Variants in MEIOC observed in about 807,000 individuals in gnomAD.
The protein encoded by MEIOC is meiosis specific with coiled-coil domain, also known as meiosis-specific coiled-coil domain-containing protein MEIOC.
Under a neutral mutation model 85.3 loss-of-function variants are expected in MEIOC, and 9 were observed. That is an observed-to-expected ratio of 0.11 (90% confidence interval 0.06 to 0.18). The LOEUF (loss-of-function observed/expected upper bound fraction) is 0.18. MEIOC is among the 10% of genes least tolerant of loss of function. The pLI, the probability that MEIOC is intolerant of heterozygous loss-of-function variation, is 1.00. For synonymous variants in MEIOC, 365 were observed against 393.7 expected (o/e 0.93, Z 0.86); for missense variants, 898 against 1,129.4 (o/e 0.80, Z 2.94).
intron 3 of MEIOC, among the ~76,000 whole-genome samples, chr17:44,663,050 G>A (rs1598726051): frequency 6.6e-6 from 1 of 152,126 alleles, no homozygotes; most frequent in Non-Finnish European, 1.5e-5. Context: ...TTATATGAAT[G>A]AGTTAAAACT....
At chr17:44,661,035 A>C (rs2144658982) in intron 2 of MEIOC, among the ~76,000 whole-genome samples, 1 of 152,234 alleles carries the variant, frequency 6.6e-6, no homozygotes, top group Middle Eastern at 3.4e-3. Context: ...TGTAATCCCA[A>C]CACTTTGGAA....
Position 44,657,117 on chromosome 17 carries a change from T to C in MEIOC, c.70-10T>C, listed in dbSNP as rs1315885532. 1 of 1,547,594 alleles carries C rather than the reference T, an allele frequency of 6.5e-7. No individual in the cohort carries two copies. Among genetic ancestry groups the C allele is most frequent in the African/African-American group, 1.4e-5 (1 of 73,042 alleles). ...CACTTTCTGATATTTCCTATTCCCG[T>C]GTGCTGCAGCCCAAAGTCGCGTTCC... On this transcript the variant is annotated splice_polypyrimidine_tract_variant and intron_variant, in intron 1 of 7. Coordinates refer to ENST00000409122, the MANE Select transcript of MEIOC (RefSeq NM_001145080.3).
chr17:44,656,652 C>A lies in MEIOC; in HGVS notation c.39C>A (p.His13Gln). ...VRRGDTCPRPHPSGLREEGLE... is the reference protein window; with the variant it reads ...VRRGDTCPRPQPSGLREEGLE... ...GCGGAGACACCTGCCCGCGCCCTCA[C>A]CCCTCAGGCCTGAGGGAGGAAGGAC... The change falls in exon 1 of 8, where the codon CAC (histidine) becomes CAA (glutamine). Residue 13 changes from histidine (H) to glutamine (Q), a missense_variant. Coordinates refer to ENST00000409122, the MANE Select transcript of MEIOC (RefSeq NM_001145080.3). 1 of 1,489,580 alleles carries A rather than the reference C, an allele frequency of 6.7e-7. No individual in the cohort carries two copies. Among genetic ancestry groups the A allele is most frequent in the Non-Finnish European group, 8.9e-7 (1 of 1,119,158 alleles). The allele number at this position is 1,489,580 out of a possible 1,614,324, so 92.3% of individuals were successfully genotyped here. A position where few individuals can be genotyped will look rare whatever the true frequency, so the allele number is the denominator to read the frequency against.
chr17:44,676,834 A>G, downstream of MEIOC: 1 of 487,494 alleles, frequency 2.1e-6, no homozygotes, highest in Non-Finnish European at 2.7e-6. Context: ...ACAAACAAAA[A>G]AAATATGCCC....
At chr17:44,663,065 G>C (rs140088297) in intron 3 of MEIOC, among the ~76,000 whole-genome samples, 1 of 152,248 alleles carries the variant, frequency 6.6e-6, no homozygotes, top group African/African-American at 2.4e-5. Context: ...AAAACTTTTA[G>C]ATGTTTTTGT....
intron 2 of MEIOC, among the ~76,000 whole-genome samples, chr17:44,660,223 A>ATTTTG (rs1349885791): frequency 6.6e-5 from 10 of 151,372 alleles, no homozygotes; most frequent in African/African-American, 2.2e-4. Context: ...TTCCTTTTTT[A>ATTTTG]TTTTATTTTA....
chr17:44,658,072 G>A (rs1183463034), intron 2 of MEIOC, among the ~76,000 whole-genome samples: 1 of 148,580 alleles, frequency 6.7e-6, no homozygotes, highest in African/African-American at 2.5e-5. Flanking sequence ...GGCTGGTCTC[G>A]AACTTCTGGG....
Position 44,656,496 on chromosome 17 carries a change from C to T in MEIOC, c.-118C>T. ...CTGGCTCCAGGCAGCGCCCGGGCGG[C>T]GGAGGCGGCTGCGGAGACGGCGGGG... is the stretch of plus-strand genomic sequence containing the variant. On this transcript the variant is annotated 5_prime_UTR_variant, in exon 1 of 8. Transcript: ENST00000409122. 2 of 810,694 alleles carry T rather than the reference C, an allele frequency of 2.5e-6. No individual in the cohort carries two copies. The highest frequency in any genetic ancestry group is 1.8e-6 in the Non-Finnish European group (1 of 568,618). The allele number at this position is 810,694 out of a possible 1,614,324, so 50.2% of individuals were successfully genotyped here. A position where few individuals can be genotyped will look rare whatever the true frequency, so the allele number is the denominator to read the frequency against.
chr17:44,668,469 T>C (rs891879702), intron 5 of MEIOC, among the ~76,000 whole-genome samples: 1 of 152,134 alleles, frequency 6.6e-6, no homozygotes, highest in African/African-American at 2.4e-5. Context: ...GAGTAGCTAG[T>C]ACTACAGGCA....
intron 2 of MEIOC, among the ~76,000 whole-genome samples, chr17:44,660,671 A>T (rs1971830603): frequency 6.6e-6 from 1 of 152,210 alleles, no homozygotes; most frequent in South Asian, 2.1e-4. Context: ...TTATACTTTC[A>T]GTCTTCTTTA....
intron 2 of MEIOC, among the ~76,000 whole-genome samples, chr17:44,660,109 T>C (rs1202154746): frequency 6.6e-6 from 1 of 152,188 alleles, no homozygotes; most frequent in African/African-American, 2.4e-5. Flanking sequence ...TAACGTTGTA[T>C]AGTTTAAATG....
chr17:44,674,100 G>A lies in MEIOC; in HGVS notation c.2763G>A (p.Lys921=). ...CAGCCAGTACAGCTGATGTGGTAAA[G>A]CCTTTACAAGATACAGTAAACTGTG... ...PKTASTADVV[K]PLQDTVNCED... is the part of the protein sequence containing the mutation. The change falls in exon 8 of 8, where the codon AAG becomes AAA. Residue 921 remains lysine, a synonymous_variant. Coordinates refer to ENST00000409122, the MANE Select transcript of MEIOC (RefSeq NM_001145080.3). The A allele has an allele frequency of 6.4e-7, 1 of 1,551,728 alleles. No homozygotes were observed.
chr17:44,658,810 A>T (rs117985996), intron 2 of MEIOC, among the ~76,000 whole-genome samples: 6 of 150,726 alleles, frequency 4.0e-5, no homozygotes, highest in Admixed American at 2.6e-4. Context: ...AAAAAAAAAG[A>T]AAAAAGAAAA....
At chr17:44,656,800 G>A in intron 1 of MEIOC, 118 bp downstream of exon 1, 1 of 583,692 alleles carries the variant, frequency 1.7e-6, no homozygotes, top group Non-Finnish European at 2.7e-6. Flanking sequence ...GGTCGTCGGT[G>A]GGGAGGCCGA....
chr17:44,663,676 C>G (rs1054932793), intron 3 of MEIOC, among the ~76,000 whole-genome samples: 1 of 152,066 alleles, frequency 6.6e-6, no homozygotes, highest in Admixed American at 6.6e-5. Context: ...CTTCTCCCCC[C>G]GCCACCCAAT....
At chr17:44,664,277 G>A (rs111971119) in intron 3 of MEIOC, among the ~76,000 whole-genome samples, 10 of 152,048 alleles carry the variant, frequency 6.6e-5, no homozygotes, top group East Asian at 1.9e-4. Flanking sequence ...CAGGAGAACC[G>A]CTTGAACCTG....
At chr17:44,663,268 TTGATGATGATGA>T (rs10638687) in intron 3 of MEIOC, among the ~76,000 whole-genome samples, 5 of 147,890 alleles carry the variant, frequency 3.4e-5, no homozygotes, top group African/African-American at 1.0e-4. Flanking sequence ...CTTTATAATC[TTGATGATGATGA>T]TGATGATGAT....
intron 6 of MEIOC, among the ~76,000 whole-genome samples, chr17:44,672,450 T>C (rs751482163): frequency 1.3e-4 from 20 of 152,324 alleles, no homozygotes; most frequent in Middle Eastern, 3.4e-3. Flanking sequence ...AATAGACTTA[T>C]TATGAAGAAA....
rs181511731 is a variant in MEIOC, at chr17:44,675,235, G to A, written c.*1039G>A. The A allele has an allele frequency of 2.1e-5, 21 of 984,952 alleles. No homozygotes were observed. The South Asian group carries it at 4.2e-4, about 20-fold the overall frequency. The allele number at this position is 984,952 out of a possible 1,614,324, so 61.0% of individuals were successfully genotyped here. On this transcript the variant is annotated 3_prime_UTR_variant, in exon 8 of 8. Transcript: ENST00000409122. ...TGCAATTGGTTAGCCTATATTTTGC[G>A]TAGTTGTGTTCATTAGTTTGCTTCT...
Sources: gnomAD v4.1 joint callset for allele counts (sites outside exome capture counted in the v4.1 genomes callset) on GRCh38, gnomAD v4.1.1 for gene constraint, MANE v1.5 for transcripts, NCBI Gene and HGNC (gene_info 2026-07-23, HGNC 2026-07-21) for gene names.